IGF2BP1: variants seen among roughly 807,000 people sequenced by gnomAD.
IGF2BP1 encodes insulin like growth factor 2 mRNA binding protein 1, also known as insulin-like growth factor 2 mRNA-binding protein 1.
In IGF2BP1, 11 loss-of-function variants were observed where a neutral mutation model predicts 74.9. The ratio of observed to expected loss-of-function variants is 0.15; its 90% confidence interval spans 0.09 to 0.24. IGF2BP1 has a LOEUF of 0.24. Among genes scored for constraint, IGF2BP1 ranks in the 10% least tolerant of loss-of-function variants. IGF2BP1 has a pLI of 1.00. For synonymous variants in IGF2BP1, 287 were observed against 281.8 expected, an observed-to-expected ratio of 1.02 and a Z score of -0.18; for missense variants, 440 against 757.4, an observed-to-expected ratio of 0.58 and a Z score of 4.92.
At chr17:49,014,323 C>T (rs1205680909) in intron 2 of IGF2BP1, among the ~76,000 whole-genome samples, 3 of 143,418 alleles carry the variant, frequency 2.1e-5, no homozygotes, top group Non-Finnish European at 4.6e-5. Context: ...TCAGTCTCAG[C>T]CCCCCAGTCG....
chr17:49,022,143 A>T (rs772402060), intron 2 of IGF2BP1, among the ~76,000 whole-genome samples: 1 of 152,156 alleles, frequency 6.6e-6, no homozygotes, highest in Non-Finnish European at 1.5e-5. Context: ...CAGAGTGAAG[A>T]AGTAACCAGT....
At chr17:49,011,885 G>C (rs1173443247) in intron 2 of IGF2BP1, among the ~76,000 whole-genome samples, 1 of 150,656 alleles carries the variant, frequency 6.6e-6, no homozygotes, top group Non-Finnish European at 1.5e-5. Context: ...AGATTATCTT[G>C]AGTGGTTGAA....
At chr17:49,049,174 A>G (rs1316917864) in intron 14 of IGF2BP1, among the ~76,000 whole-genome samples, 178 bp from the exon 15 acceptor site, 1 of 152,132 alleles carries the variant, frequency 6.6e-6, no homozygotes, top group Admixed American at 6.6e-5. Flanking sequence ...CTCAGGCTCC[A>G]CTGGAGGCAA....
Position 49,049,391 on chromosome 17 carries a change from AAGC to A in IGF2BP1, c.1689_1691del (p.Gln563del), listed in dbSNP as rs1359227528. On this transcript the variant is annotated inframe_deletion, in exon 15 of 15. Transcript: ENST00000290341. ...GATCCGAGACATCCTGGCCCAGGTT[AAGC>A]AGCAGCATCAGAAGGGACAGAGTAA... is the stretch of plus-strand genomic sequence containing the variant. 1.2e-6 allele frequency: 2 copies of A among 1,614,134 alleles called. No individual in the cohort carries two copies.
intron 2 of IGF2BP1, among the ~76,000 whole-genome samples, chr17:49,006,020 C>T (rs944219692): frequency 1.3e-5 from 2 of 152,174 alleles, no homozygotes; most frequent in South Asian, 4.1e-4. Flanking sequence ...CGAGATCGCA[C>T]CACTGCACTC....
chr17:49,055,840 T>TG lies in IGF2BP1; in HGVS notation c.*6396_*6397insG, dbSNP rs1481484551. Among the ~76,000 whole-genome samples, 2 of 126,292 alleles carry TG rather than the reference T, an allele frequency of 1.6e-5. No individual in the cohort carries two copies. The highest frequency in any genetic ancestry group is 5.5e-5 in the African/African-American group (2 of 36,606). 82.9% of individuals were successfully genotyped at this position (126,292 alleles called of 152,430 possible). A position where few individuals can be genotyped will look rare whatever the true frequency, so the allele number is the denominator to read the frequency against. ...GGAGGCCTACTGCTTGGGACAGTTT[T>TG]TTTTTTTTTTTTTTTTTTAAATATG... On this transcript the variant is annotated 3_prime_UTR_variant, in exon 15 of 15. Coordinates refer to ENST00000290341, the MANE Select transcript of IGF2BP1 (RefSeq NM_006546.4).
rs138880047 is a variant in IGF2BP1, at chr17:49,026,471, G to A, written c.291G>A (p.Leu97=). 10 of 1,613,998 alleles carry A rather than the reference G, an allele frequency of 6.2e-6. No homozygotes were observed. Among genetic ancestry groups the A allele is most frequent in the African/African-American group, 1.3e-5 (1 of 75,032 alleles). The change falls in exon 4 of 15, where the codon CTG becomes CTA. Residue 97 remains leucine, a synonymous_variant. Transcript: ENST00000290341. ...NIPPQLRWEV[L]DSLLAQYGTV... ...TCCCTTCTCCATTCTCCTAGGTACT[G>A]GACAGCCTGCTGGCTCAGTATGGTA...
Position 49,049,632 on chromosome 17 carries a change from C to A in IGF2BP1, c.*188C>A, listed in dbSNP as rs1332043883. ...CTGATCTCTCAGCCCCAAACACCCA[C>A]CCAATTGGCCCAACACTGTCTGCCC... On this transcript the variant is annotated 3_prime_UTR_variant, in exon 15 of 15. Transcript: ENST00000290341. 1.8e-6 allele frequency: 1 copy of A among 569,068 alleles called. No homozygotes were observed. Among genetic ancestry groups the A allele is most frequent in the African/African-American group, 1.9e-5 (1 of 53,066 alleles). 35.3% of individuals were successfully genotyped at this position (569,068 alleles called of 1,614,324 possible).
In IGF2BP1 at chr17:49,051,624, T is replaced by C. The variant is rs529871861; in HGVS notation, c.*2180T>C. The C allele has an allele frequency of 6.6e-6, 1 of 152,364 alleles. No homozygotes were observed. The highest frequency in any genetic ancestry group is 6.5e-5 in the Admixed American group (1 of 15,302). 9.4% of individuals were successfully genotyped at this position (152,364 alleles called of 1,614,324 possible). A position where few individuals can be genotyped will look rare whatever the true frequency, so the allele number is the denominator to read the frequency against. On this transcript the variant is annotated 3_prime_UTR_variant, in exon 15 of 15. Coordinates refer to ENST00000290341, the MANE Select transcript of IGF2BP1 (RefSeq NM_006546.4). ...TGGTTAAAGAGCATCTCAGCCAGCT[T>C]TTCCCACCAGTGGTGCTGTTGAGAT...
At chr17:48,998,060 C>T (rs997100251) in intron 1 of IGF2BP1, 140 bp downstream of exon 1, 3 of 804,964 alleles carry the variant, frequency 3.7e-6, no homozygotes, top group African/African-American at 3.5e-5. Flanking sequence ...CTCGACCTAC[C>T]CCCTTCGATG....
chr17:49,042,687 A>AT (rs2042065421), intron 9 of IGF2BP1, among the ~76,000 whole-genome samples: 1 of 151,256 alleles, frequency 6.6e-6, no homozygotes, highest in South Asian at 2.1e-4. Flanking sequence ...TTTTTATTTT[A>AT]TTTTTTTGAG....
At chr17:49,021,791 C>G (rs900120872) in intron 2 of IGF2BP1, among the ~76,000 whole-genome samples, 2 of 152,132 alleles carry the variant, frequency 1.3e-5, no homozygotes, top group Admixed American at 6.6e-5. Context: ...AGAAGGTGCC[C>G]AGAAGATACT....
intron 2 of IGF2BP1, among the ~76,000 whole-genome samples, chr17:49,019,826 C>G (rs191312391): frequency 2.2e-5 from 3 of 136,152 alleles, no homozygotes; most frequent in African/African-American, 8.3e-5. Context: ...TCACTGCAAC[C>G]TCTGCTTCCC....
At chr17:49,049,112 A>G (rs904036163) in intron 14 of IGF2BP1, among the ~76,000 whole-genome samples, 8 of 151,578 alleles carry the variant, frequency 5.3e-5, no homozygotes, top group Non-Finnish European at 1.2e-4. Flanking sequence ...AAGTCCCCCA[A>G]CCCCATCTCC....
chr17:49,002,426 G>A (rs933571708), intron 2 of IGF2BP1, among the ~76,000 whole-genome samples: 1 of 152,064 alleles, frequency 6.6e-6, no homozygotes, highest in Non-Finnish European at 1.5e-5. Context: ...AAATGGATTT[G>A]CACTTAAGGA....
intron 1 of IGF2BP1, 86 bp downstream of exon 1, chr17:48,998,006 C>T: frequency 6.8e-7 from 1 of 1,473,336 alleles, no homozygotes; most frequent in South Asian, 1.3e-5. Context: ...CTCCCGCCAA[C>T]TCCTCTCTTC....
At chr17:49,033,031 G>T (rs2041943498) in intron 5 of IGF2BP1, among the ~76,000 whole-genome samples, 1 of 152,180 alleles carries the variant, frequency 6.6e-6, no homozygotes, top group South Asian at 2.1e-4. Context: ...TGCCCAAGCT[G>T]GTCTCGAACG....
chr17:49,038,290 G>C lies in IGF2BP1; in HGVS notation c.524G>C (p.Gly175Ala). ...NGRRGGFGSRGQPRQGSPVAA... is the reference protein window; with the variant it reads ...NGRRGGFGSRAQPRQGSPVAA... ...CGCCGAGGGGGCTTTGGCTCTCGGGGTCAGCCCCGCCAGGGCTCACCTGTG... is the reference window on the plus strand; with the variant it reads ...CGCCGAGGGGGCTTTGGCTCTCGGGCTCAGCCCCGCCAGGGCTCACCTGTG... The change falls in exon 6 of 15, where the codon GGT becomes GCT. Residue 175 changes from glycine (G) to alanine (A), a missense_variant. Around this residue, in one of 5 missense-constraint regions of IGF2BP1, gnomAD observed 184 missense variants for 273.4 expected, o/e 0.67. Transcript: ENST00000290341. The C allele has an allele frequency of 6.2e-7, 1 of 1,604,130 alleles. No homozygotes were observed. Among genetic ancestry groups the C allele is most frequent in the Non-Finnish European group, 8.5e-7 (1 of 1,175,300 alleles).
chr17:49,021,369 C>T (rs1377637107), intron 2 of IGF2BP1, among the ~76,000 whole-genome samples: 1 of 152,116 alleles, frequency 6.6e-6, no homozygotes, highest in South Asian at 2.1e-4. Flanking sequence ...ATGCTCTTTC[C>T]CTCTGTTTTC....
Sources: allele counts gnomAD v4.1 joint callset (sites outside exome capture counted in the v4.1 genomes callset), GRCh38; gene constraint gnomAD v4.1.1; regional missense constraint gnomAD v4.1.1; transcripts MANE v1.5; gene names NCBI Gene and HGNC (gene_info 2026-07-23, HGNC 2026-07-21).